The following OGFOD3 variants were observed in gnomAD, a reference collection of about 807,000 sequenced individuals.
OGFOD3 encodes the protein 2-oxoglutarate and iron-dependent oxygenase domain-containing protein 3.
OGFOD3 carries 35 observed loss-of-function variants against 39.8 expected under a neutral mutation model. The ratio of observed to expected loss-of-function variants is 0.88; its 90% CI spans 0.67 to 1.17. The LOEUF is 1.17. Ranked by LOEUF, OGFOD3 falls within the 50% of genes most tolerant of loss-of-function variation. The probability of loss-of-function intolerance (pLI) is 0.00; values close to 1 mark genes in which losing one functional copy is unlikely to be tolerated. For missense variants in OGFOD3, 438 were observed against 454.5 expected (o/e 0.96, Z 0.33); for synonymous variants, 200 against 192.0 (o/e 1.04, Z -0.34).
chr17:82,416,502 C>T (rs752174759), intron 1 of OGFOD3, among the ~76,000 whole-genome samples: 1 of 152,078 alleles, frequency 6.6e-6, no homozygotes, highest in Admixed American at 6.5e-5. Flanking sequence ...CAGGGCCGCA[C>T]TCCCTCCCCT....
intron 8 of OGFOD3, among the ~76,000 whole-genome samples, chr17:82,395,610 A>G (rs1207857658): frequency 1.3e-5 from 2 of 152,136 alleles, no homozygotes; most frequent in Non-Finnish European, 2.9e-5. Flanking sequence ...TCACGAGGTC[A>G]GGAGATTGAG....
rs2053016188 is a variant in OGFOD3 at position 82,415,454 on chromosome 17, C to T, written c.248G>A (p.Gly83Glu). The change falls in exon 2 of 9, where the codon GGG becomes GAG. Residue 83 changes from glycine (G) to glutamate (E), a missense_variant. Transcript: ENST00000313056. This position sits in a 1 kb window ranked among gnomAD's most constrained non-coding sequence, Gnocchi z 5.3. ...VLARRGEVVAGRFIEVPCSED... is the reference protein window; with the variant it reads ...VLARRGEVVAERFIEVPCSED... ...AGAGCAGGGCACCTCGATGAATCTC[C>T]CTGCCACGACCTCGCCACGGCGGGC... 1.2e-6 allele frequency: 2 copies of T among 1,613,952 alleles called. No individual in the cohort carries two copies. The highest frequency in any genetic ancestry group is 1.7e-6 in the Non-Finnish European group (2 of 1,180,000).
intron 6 of OGFOD3, among the ~76,000 whole-genome samples, 186 bp downstream of exon 6, chr17:82,405,138 G>A (rs2052834120): frequency 6.6e-6 from 1 of 152,214 alleles, no homozygotes; most frequent in African/African-American, 2.4e-5. Flanking sequence ...CTGTTTCACC[G>A]ACCCGGGCGC....
At chr17:82,396,437 C>A (rs1188403334) in intron 8 of OGFOD3, 2 of 136,814 alleles carry the variant, frequency 1.5e-5, no homozygotes, top group Admixed American at 7.0e-5. Context: ...CACACAGATA[C>A]ACACAATTAG....
chr17:82,394,756 GGTGGGAC>G (rs2052646470), intron 8 of OGFOD3, among the ~76,000 whole-genome samples: 1 of 152,170 alleles, frequency 6.6e-6, no homozygotes, highest in South Asian at 2.1e-4. Flanking sequence ...TGTCACTTAT[GGTGGGAC>G]GTGGGCCACA....
intron 4 of OGFOD3, among the ~76,000 whole-genome samples, chr17:82,408,334 T>C (rs1258540960): frequency 2.0e-5 from 3 of 152,058 alleles, no homozygotes; most frequent in Admixed American, 6.5e-5. Flanking sequence ...GATCACCAAA[T>C]AAACAGAGAG....
At position 82,404,833 on chromosome 17, in the gene OGFOD3, G is replaced by A. The variant is rs938450019; in HGVS notation, c.545+491C>T. Among the ~76,000 whole-genome samples, 8 of 149,328 alleles carry A rather than the reference G, an allele frequency of 5.4e-5. No homozygotes were observed. The highest frequency in any genetic ancestry group is 2.0e-4 in the Admixed American group (3 of 14,828). On this transcript the variant is annotated intron_variant, in intron 6 of 8. Transcript: ENST00000313056. This position sits in a 1 kb window ranked among gnomAD's most constrained non-coding sequence, Gnocchi z 4.5. ...TCAGCTCACTGCAACCTCCACCTCC[G>A]GGGTTTAAGCAATTGTCCTGCCTCA...
At position 82,418,519 on chromosome 17, in the gene OGFOD3, G is replaced by A. The variant is rs2053130280; in HGVS notation, c.-34C>T. ...GCCGCCGCGGAGCCGGGCCGGACGC[G>A]GGCGCCAGGCCCGGGGACGAACGCC... On this transcript the variant is annotated 5_prime_UTR_variant, in exon 1 of 9. Transcript: ENST00000313056. 3 of 1,273,628 alleles carry A rather than the reference G, an allele frequency of 2.4e-6. No individual in the cohort carries two copies. The highest frequency in any genetic ancestry group is 3.0e-6 in the Non-Finnish European group (3 of 995,920). The allele number at this position is 1,273,628 out of a possible 1,614,324, so 78.9% of individuals were successfully genotyped here.
chr17:82,403,878 CCCACGGGCACGCTCACCTTGT>C (rs1477466127), intron 7 of OGFOD3, 38 bp downstream of exon 7: 10 of 1,514,590 alleles, frequency 6.6e-6, no homozygotes, highest in East Asian at 4.8e-5. Flanking sequence ...ACTCACCGTG[CCCACGGGCACGCTCACCTTGT>C]CCACGGGCAC....
intron 2 of OGFOD3, 144 bp from the exon 3 acceptor site, chr17:82,411,674 C>A (rs560796694): frequency 4.7e-6 from 3 of 636,280 alleles, no homozygotes; most frequent in Admixed American, 2.6e-5. Flanking sequence ...AGCGTGCATG[C>A]GCTTTGTGCG....
Position 82,403,952 on chromosome 17 carries a change from A to T in OGFOD3, c.684T>A (p.His228Gln). ...GCGCGCTCACCTTGTCCACGTGCGC[A>T]TGCCAGTACTCGTCGTGCGCCGTCC... ...EARTAHDEYW[H>Q]AHVDKVTYGS... Residue 228 changes from histidine (H) to glutamine (Q), a missense_variant, in exon 7 of 9, where the codon CAT (histidine) becomes CAA (glutamine). By Grantham distance (24) the His-to-Gln change is conservative. Coordinates refer to ENST00000313056, the MANE Select transcript of OGFOD3 (RefSeq NM_024648.3). 1 of 1,605,992 alleles carries T rather than the reference A, an allele frequency of 6.2e-7. No individual in the cohort carries two copies. The highest frequency in any genetic ancestry group is 8.5e-7 in the Non-Finnish European group (1 of 1,177,410).
chr17:82,403,751 G>T, intron 7 of OGFOD3, 186 bp downstream of exon 7: 1 of 765,260 alleles, frequency 1.3e-6, no homozygotes, highest in Non-Finnish European at 2.1e-6. Context: ...CGCTCACCCT[G>T]TCCACATGCG....
chr17:82,402,421 C>A (rs1599692718), intron 7 of OGFOD3, among the ~76,000 whole-genome samples: 2 of 145,004 alleles, frequency 1.4e-5, no homozygotes, highest in African/African-American at 5.2e-5. Context: ...GGCAACAGAA[C>A]AAGACTGTCT....
At position 82,405,431 on chromosome 17, in the gene OGFOD3, GT is replaced by G. The variant is rs781449445; in HGVS notation, c.489-52del. 9 of 1,454,880 alleles carry G rather than the reference GT, an allele frequency of 6.2e-6. No homozygotes were observed. The South Asian group carries it at 9.1e-5, about 15-fold the overall frequency. The allele number at this position is 1,454,880 out of a possible 1,614,324, so 90.1% of individuals were successfully genotyped here. On this transcript the variant is annotated intron_variant, in intron 5 of 8. Coordinates refer to ENST00000313056, the MANE Select transcript of OGFOD3 (RefSeq NM_024648.3). The stretch of plus-strand genomic sequence containing the variant: ...GGTCACAACACTTCATTAATCTGTT[GT>G]TCATCTCCTTTCAGTTCAGCCATTC...
rs775158405 is a variant in OGFOD3, at chr17:82,405,355, T to C, written c.514A>G (p.Ile172Val). 2.5e-5 allele frequency: 40 copies of C among 1,613,936 alleles called. No individual in the cohort carries two copies. Among genetic ancestry groups the C allele is most frequent in the Middle Eastern group, 3.3e-4 (2 of 6,084 alleles). The stretch of plus-strand genomic sequence containing the variant: ...AACCGGAAGTCCTCCTCTGAGAAGA[T>C]GTTCTGTATTTTATCCCCGAAGTAT... ...YRYFGDKIQNIFSEEDFRLYR... is the reference protein window; with the variant it reads ...YRYFGDKIQNVFSEEDFRLYR... The change falls in exon 6 of 9, where the codon ATC becomes GTC. Residue 172 changes from isoleucine to valine, a missense_variant. Physicochemically the swap from Ile to Val is conservative, Grantham distance 29. Transcript: ENST00000313056.
At position 82,406,405 on chromosome 17, in the gene OGFOD3, C is replaced by T; in HGVS notation, c.488+13G>A. 4 of 1,613,570 alleles carry T rather than the reference C, an allele frequency of 2.5e-6. No individual in the cohort carries two copies. The highest frequency in any genetic ancestry group is 3.4e-6 in the Non-Finnish European group (4 of 1,179,620). On this transcript the variant is annotated intron_variant, in intron 5 of 8. Coordinates refer to ENST00000313056, the MANE Select transcript of OGFOD3 (RefSeq NM_024648.3). This position sits in a 1 kb window ranked among gnomAD's most constrained non-coding sequence, Gnocchi z 5.2. ...TTTCAGAGCCAGCACTGAGGTCATG[C>T]TGCAGCACTCACCTGTACAGGTTCA...
At chr17:82,418,058 C>A (rs895152284) in intron 1 of OGFOD3, among the ~76,000 whole-genome samples, 1 of 152,240 alleles carries the variant, frequency 6.6e-6, no homozygotes, top group African/African-American at 2.4e-5. Flanking sequence ...CTGGCTCAGG[C>A]GGACTTTCCA....
chr17:82,403,968 T>C lies in OGFOD3; in HGVS notation c.668A>G (p.His223Arg), dbSNP rs114580437. 9.3e-5 allele frequency: 149 copies of C among 1,608,716 alleles called. No individual in the cohort carries two copies. The African/African-American group carries it at 1.7e-3, about 19-fold the overall frequency. Residue 223 changes from histidine to arginine, a missense_variant, in exon 7 of 9, where the codon CAC becomes CGC. Coordinates refer to ENST00000313056, the MANE Select transcript of OGFOD3 (RefSeq NM_024648.3). ...CACGTGCGCATGCCAGTACTCGTCG[T>C]GCGCCGTCCGCGCTTCCGTGCTGTT... is the stretch of plus-strand genomic sequence containing the variant. ...RINSTEARTA[H>R]DEYWHAHVDK... is the part of the protein sequence containing the mutation.
chr17:82,399,440 C>A (rs915247065), intron 7 of OGFOD3, among the ~76,000 whole-genome samples: 1 of 152,216 alleles, frequency 6.6e-6, no homozygotes, highest in African/African-American at 2.4e-5. Flanking sequence ...CAATCCCAAG[C>A]TTTTTAAAAC....
Sources: gnomAD v4.1 joint callset for allele counts (sites outside exome capture counted in the v4.1 genomes callset) on GRCh38, gnomAD v4.1.1 for gene constraint, Gnocchi (gnomAD v3.1) non-coding constraint, MANE v1.5 for transcripts, NCBI Gene and HGNC (gene_info 2026-07-23, HGNC 2026-07-21) for gene names.